The following SLC1A1 variants were observed in gnomAD, a reference collection of about 807,000 sequenced individuals.
SLC1A1 encodes excitatory amino acid transporter 3.
A neutral mutation model predicts 53.3 loss-of-function variants in SLC1A1; 43 were observed. The ratio of observed to expected loss-of-function variants is 0.81; its 90% CI spans 0.63 to 1.04. The LOEUF is 1.04. SLC1A1 is among the 50% of genes least tolerant of loss of function. The probability of loss-of-function intolerance (pLI) is 0.00; values close to 1 mark genes in which losing one functional copy is unlikely to be tolerated. For missense variants in SLC1A1, 748 were observed against 664.9 expected, an observed-to-expected ratio of 1.12 and a Z score of -1.37; for synonymous variants, 307 against 243.2, an observed-to-expected ratio of 1.26 and a Z score of -2.44.
rs1818003636 is a variant in SLC1A1, at chr9:4,552,334, A to AT, written c.232+7629dup. 1.3e-5 allele frequency among the ~76,000 whole-genome samples: 2 copies of AT among 152,204 alleles called. 1 individual carries two copies. The highest frequency in any genetic ancestry group is 4.1e-4 in the South Asian group (2 of 4,828). On this transcript the variant is annotated intron_variant, in intron 2 of 11. Coordinates refer to ENST00000262352, the MANE Select transcript of SLC1A1 (RefSeq NM_004170.6). ...TGGGAATGAGGTCAGTGCAGGGGAC[A>AT]TTGGAAGGAGCCATTTTGAAGGAAG... is the stretch of plus-strand genomic sequence containing the variant.
rs1820535446 is a variant in SLC1A1 at position 4,576,246 on chromosome 9, A to G, written c.998+123A>G. The G allele has an allele frequency of 4.3e-6, 4 of 940,498 alleles. No homozygotes were observed. The Admixed American group carries it at 7.3e-5, about 17-fold the overall frequency. 58.3% of individuals were successfully genotyped at this position (940,498 alleles called of 1,614,324 possible). A position where few individuals can be genotyped will look rare whatever the true frequency, so the allele number is the denominator to read the frequency against. On this transcript the variant is annotated intron_variant, in intron 9 of 11. Transcript: ENST00000262352. ...GCTGTCTTTGAGAAATGACCTCCGT[A>G]TTCTCGGCCCCTGGCCCTGAACACA...
chr9:4,544,766 C>T, intron 2 of SLC1A1, 59 bp downstream of exon 2: 1 of 1,330,842 alleles, frequency 7.5e-7, no homozygotes, highest in Non-Finnish European at 1.1e-6. Context: ...CTGTAAAGAA[C>T]TTCCTGAGAC....
Position 4,490,638 on chromosome 9 carries a change from C to A in SLC1A1, c.-42C>A, listed in dbSNP as rs774235045. The A allele has an allele frequency of 2.6e-6, 4 of 1,558,264 alleles. No individual in the cohort carries two copies. The highest frequency in any genetic ancestry group is 3.5e-6 in the Non-Finnish European group (4 of 1,133,198). The stretch of plus-strand genomic sequence containing the variant: ...AGCAGTCCCCGGGTCGCCCAGCCCA[C>A]GCGCGCACGGCCGAGCCCAGCGCAC... On this transcript the variant is annotated 5_prime_UTR_variant, in exon 1 of 12. Coordinates refer to ENST00000262352, the MANE Select transcript of SLC1A1 (RefSeq NM_004170.6).
Position 4,541,770 on chromosome 9 carries a change from A to T in SLC1A1, c.92-2797A>T, listed in dbSNP as rs1189057955. On this transcript the variant is annotated intron_variant, in intron 1 of 11. Coordinates refer to ENST00000262352, the MANE Select transcript of SLC1A1 (RefSeq NM_004170.6). ...TATTTTCACAATCTTTACCTTTCTT[A>T]GTTCTGGGAGTGGCCTTACCAGGTG... 3.3e-5 allele frequency among the ~76,000 whole-genome samples: 5 copies of T among 152,284 alleles called. No individual in the cohort carries two copies. The East Asian group carries it at 9.6e-4, about 29-fold the overall frequency.
chr9:4,539,380 C>T (rs753433894), intron 1 of SLC1A1, among the ~76,000 whole-genome samples: 3 of 152,018 alleles, frequency 2.0e-5, no homozygotes, highest in Non-Finnish European at 4.4e-5. Flanking sequence ...AACTTAGCAA[C>T]AAAAAACAAA....
Position 4,585,746 on chromosome 9 carries a change from G to A in SLC1A1, c.*188G>A, listed in dbSNP as rs151096005. On this transcript the variant is annotated 3_prime_UTR_variant, in exon 12 of 12. Transcript: ENST00000262352. ...TCTGGGTTTTGGGATTTGGGTGTGG[G>A]GTAAGTTGAAGGGAAATCAATTTAA... 5.4e-5 allele frequency: 37 copies of A among 684,610 alleles called. No homozygotes were observed. The African/African-American group carries it at 6.3e-4, about 12-fold the overall frequency. 42.4% of individuals were successfully genotyped at this position (684,610 alleles called of 1,614,324 possible). A position where few individuals can be genotyped will look rare whatever the true frequency, so the allele number is the denominator to read the frequency against.
Position 4,544,718 on chromosome 9 carries a change from A to C in SLC1A1, c.232+11A>C. ...CCAGCATGATTACAGGTACCTTGAG[A>C]AAACAGATGTTCTCTATATTAGTCC... On this transcript the variant is annotated intron_variant, in intron 2 of 11. Coordinates refer to ENST00000262352, the MANE Select transcript of SLC1A1 (RefSeq NM_004170.6). 6.2e-7 allele frequency: 1 copy of C among 1,608,052 alleles called. No homozygotes were observed. Among genetic ancestry groups the C allele is most frequent in the Non-Finnish European group, 8.5e-7 (1 of 1,174,720 alleles).
chr9:4,523,005 C>G (rs1393493320), intron 1 of SLC1A1, among the ~76,000 whole-genome samples: 1 of 152,190 alleles, frequency 6.6e-6, no homozygotes, highest in East Asian at 1.9e-4. Flanking sequence ...TTCCCTGAAG[C>G]ACTTGTAAAC....
intron 2 of SLC1A1, among the ~76,000 whole-genome samples, chr9:4,546,021 T>G (rs1257915869): frequency 6.6e-6 from 1 of 152,158 alleles, no homozygotes; most frequent in Non-Finnish European, 1.5e-5. Context: ...ACTGTAAAGG[T>G]CTGGGACTGG....
At chr9:4,576,163 C>T in intron 9 of SLC1A1, 40 bp downstream of exon 9, 1 of 1,591,728 alleles carries the variant, frequency 6.3e-7, no homozygotes, top group Non-Finnish European at 8.6e-7. Context: ...CCTCCAGGCT[C>T]AACGTTATCA....
Position 4,586,213 on chromosome 9 carries a change from C to CTA in SLC1A1, c.*671_*672dup, listed in dbSNP as rs3038452. 17,032 of 146,870 alleles carry CTA rather than the reference C, an allele frequency of 0.12. 1,423 individuals carry two copies. The highest frequency in any genetic ancestry group is 0.47 in the East Asian group (2,352 of 5,052). 9.1% of individuals were successfully genotyped at this position (146,870 alleles called of 1,614,324 possible). On this transcript the variant is annotated 3_prime_UTR_variant, in exon 12 of 12. Coordinates refer to ENST00000262352, the MANE Select transcript of SLC1A1 (RefSeq NM_004170.6). ...TGTTAACCCAGTGTTCAGCATAGAG[C>CTA]TATATATATATATATATGTATATAT...
chr9:4,490,542 G>A lies in SLC1A1; in HGVS notation c.-138G>A. On this transcript the variant is annotated 5_prime_UTR_variant, in exon 1 of 12. Transcript: ENST00000262352. Reference sequence around the variant, plus strand: ...TGGCGGCGGCAACGGCGGTGGTGACGGCGGCGACTGCAGCGGCCGGCTCTC... The same window carrying A: ...TGGCGGCGGCAACGGCGGTGGTGACAGCGGCGACTGCAGCGGCCGGCTCTC... 2.0e-6 allele frequency: 1 copy of A among 503,184 alleles called. No individual in the cohort carries two copies. Among genetic ancestry groups the A allele is most frequent in the South Asian group, 4.0e-5 (1 of 24,750 alleles). 31.2% of individuals were successfully genotyped at this position (503,184 alleles called of 1,614,324 possible).
chr9:4,491,482 T>C (rs1240023531), intron 1 of SLC1A1, among the ~76,000 whole-genome samples: 1 of 152,248 alleles, frequency 6.6e-6, no homozygotes, highest in Non-Finnish European at 1.5e-5. Context: ...CACGTTGTTT[T>C]TGTATTTAAG....
intron 1 of SLC1A1, among the ~76,000 whole-genome samples, chr9:4,510,878 A>G (rs1820977476): frequency 6.6e-6 from 1 of 152,126 alleles, no homozygotes; most frequent in Admixed American, 6.5e-5. Flanking sequence ...CTTCTGGACT[A>G]CTTAGGGCTT....
intron 1 of SLC1A1, among the ~76,000 whole-genome samples, chr9:4,516,549 A>G (rs1036831604): frequency 1.3e-4 from 20 of 152,230 alleles, no homozygotes; most frequent in African/African-American, 3.9e-4. Context: ...CCTTCAATCT[A>G]TCCCACTCCT....
Position 4,564,435 on chromosome 9 carries a change from G to A in SLC1A1, c.417G>A (p.Val139=), listed in dbSNP as rs1260364730. 1.2e-6 allele frequency: 2 copies of A among 1,612,018 alleles called. No homozygotes were observed. Among genetic ancestry groups the A allele is most frequent in the South Asian group, 1.1e-5 (1 of 90,744 alleles). The stretch of plus-strand genomic sequence containing the variant: ...GCAGCACCCCTGAAGTCAGTACGGT[G>A]GATGCCATGTTAGATCTCATCAGGT... ...RTGSTPEVST[V]DAMLDLIRNM... Residue 139 remains valine, a synonymous_variant, in exon 4 of 12, where the codon GTG becomes GTA. Transcript: ENST00000262352.
chr9:4,508,935 G>T (rs1301868915), intron 1 of SLC1A1, among the ~76,000 whole-genome samples: 1 of 152,120 alleles, frequency 6.6e-6, no homozygotes, highest in Non-Finnish European at 1.5e-5. Flanking sequence ...AGCTTGAGAT[G>T]AAAGGGAAGG....
chr9:4,522,070 G>C (rs567096169), intron 1 of SLC1A1, among the ~76,000 whole-genome samples: 152 of 82,084 alleles, frequency 1.9e-3, no homozygotes, highest in African/African-American at 7.3e-3. Flanking sequence ...TTTTTTTTTT[G>C]AGATGGAGTC....
At chr9:4,540,942 C>T (rs545579899) in intron 1 of SLC1A1, among the ~76,000 whole-genome samples, 1 of 152,318 alleles carries the variant, frequency 6.6e-6, no homozygotes, top group African/African-American at 2.4e-5. Context: ...GGCCCAGGTT[C>T]CACACCTCAC....
Sources: gnomAD v4.1 joint callset for allele counts (sites outside exome capture counted in the v4.1 genomes callset) on GRCh38, gnomAD v4.1.1 for gene constraint, MANE v1.5 for transcripts, NCBI Gene and HGNC (gene_info 2026-07-23, HGNC 2026-07-21) for gene names.